DYNC1I1: variants seen among roughly 807,000 people sequenced by gnomAD.
The protein encoded by DYNC1I1 is cytoplasmic dynein 1 intermediate chain 1.
In DYNC1I1, 43 loss-of-function variants were observed where a neutral mutation model predicts 86.6. The ratio of observed to expected loss-of-function variants is 0.50; its 90% CI spans 0.39 to 0.64. DYNC1I1 has a LOEUF of 0.64. Ranked by LOEUF, DYNC1I1 falls within the 30% of genes least tolerant of loss-of-function variation. DYNC1I1 has a pLI of 0.00. For missense variants in DYNC1I1, 604 were observed against 788.8 expected (o/e 0.77, Z 2.81); for synonymous variants, 262 against 283.7 (o/e 0.92, Z 0.77).
chr7:95,809,066 G>T (rs757548774), intron 2 of DYNC1I1, among the ~76,000 whole-genome samples: 2 of 152,150 alleles, frequency 1.3e-5, no homozygotes, highest in Non-Finnish European at 2.9e-5. Context: ...TATGCAGAGT[G>T]TCTGACTCTA....
intron 6 of DYNC1I1, among the ~76,000 whole-genome samples, chr7:95,903,892 C>G (rs1413095674): frequency 6.6e-6 from 1 of 152,076 alleles, no homozygotes; most frequent in Non-Finnish European, 1.5e-5. Flanking sequence ...TAGTTGAATG[C>G]TAGAAAGCAG....
chr7:95,998,709 T>A (rs1793933858), intron 10 of DYNC1I1, among the ~76,000 whole-genome samples: 1 of 152,230 alleles, frequency 6.6e-6, no homozygotes, highest in African/African-American at 2.4e-5. Flanking sequence ...TGTACTTTTA[T>A]AATTTTGGAG....
At chr7:96,077,020 A>C (rs1359118671) in intron 15 of DYNC1I1, among the ~76,000 whole-genome samples, 1 of 152,168 alleles carries the variant, frequency 6.6e-6, no homozygotes, top group African/African-American at 2.4e-5. Context: ...TCAACTTTAT[A>C]AAATAAAATG....
intron 14 of DYNC1I1, among the ~76,000 whole-genome samples, chr7:96,043,254 A>C (rs776855590): frequency 6.6e-5 from 10 of 152,098 alleles, no homozygotes; most frequent in Admixed American, 1.3e-4. Context: ...CTAGGCAATG[A>C]TTATTGCTGA....
chr7:95,879,921 G>A (rs1002443478), intron 6 of DYNC1I1, among the ~76,000 whole-genome samples: 3 of 152,082 alleles, frequency 2.0e-5, no homozygotes, highest in African/African-American at 7.2e-5. Context: ...TGAAGAATTT[G>A]GTCTATTTAT....
intron 5 of DYNC1I1, among the ~76,000 whole-genome samples, chr7:95,829,548 G>T (rs186039932): frequency 1.4e-3 from 216 of 152,238 alleles, no homozygotes; most frequent in Non-Finnish European, 2.4e-3. Context: ...ACAGGCAGGG[G>T]AAAGAACTGG....
At chr7:96,067,116 GA>G (rs1039924579) in intron 14 of DYNC1I1, among the ~76,000 whole-genome samples, 1 of 151,866 alleles carries the variant, frequency 6.6e-6, no homozygotes, top group Non-Finnish European at 1.5e-5. Flanking sequence ...CAAAATATCA[GA>G]AAAAACATGT....
intron 5 of DYNC1I1, among the ~76,000 whole-genome samples, chr7:95,851,615 A>G (rs576377162): frequency 6.6e-6 from 1 of 152,188 alleles, no homozygotes; most frequent in Non-Finnish European, 1.5e-5. Flanking sequence ...TTGATTTGCT[A>G]GTATTTTGTT....
chr7:95,909,106 A>G (rs1791253103), intron 6 of DYNC1I1, among the ~76,000 whole-genome samples: 1 of 150,016 alleles, frequency 6.7e-6, no homozygotes, highest in Non-Finnish European at 1.5e-5. Context: ...GGATAAAGAC[A>G]GTTCTAATTG....
intron 5 of DYNC1I1, among the ~76,000 whole-genome samples, chr7:95,829,242 G>A (rs889276944): frequency 6.6e-6 from 1 of 152,084 alleles, no homozygotes; most frequent in Non-Finnish European, 1.5e-5. Context: ...CTATTTGCAT[G>A]TTAGGTTAAA....
At chr7:95,813,539 A>G (rs1047535437) in intron 4 of DYNC1I1, among the ~76,000 whole-genome samples, 6 of 152,150 alleles carry the variant, frequency 3.9e-5, no homozygotes, top group African/African-American at 1.4e-4. Flanking sequence ...AACATATATC[A>G]TCCTTCTTTG....
chr7:96,087,313 A>C (rs42067), intron 16 of DYNC1I1, among the ~76,000 whole-genome samples: 126,026 of 152,126 alleles, frequency 0.83, 52,319 homozygotes, highest in Middle Eastern at 0.9. Flanking sequence ...CTGCATTTGC[A>C]ATCAGCCAGT....
At chr7:95,903,030 T>C (rs1018546153) in intron 6 of DYNC1I1, among the ~76,000 whole-genome samples, 2 of 152,296 alleles carry the variant, frequency 1.3e-5, no homozygotes, top group African/African-American at 4.8e-5. Context: ...TTGAGCCTTG[T>C]GCAATTGTTA....
chr7:96,077,114 A>C (rs1286215468), intron 15 of DYNC1I1, among the ~76,000 whole-genome samples: 1 of 152,150 alleles, frequency 6.6e-6, no homozygotes, highest in African/African-American at 2.4e-5. Context: ...AGTGCTGCGA[A>C]CTATATGTCA....
In DYNC1I1 at chr7:95,810,443, C is replaced by T. The variant is rs780509560; in HGVS notation, c.160C>T (p.Arg54Cys). Residue 54 changes from arginine (R) to cysteine (C), a missense_variant, in exon 3 of 17, where the codon CGC becomes TGC. Arg to Cys is a radical substitution (Grantham distance 180). Coordinates refer to ENST00000447467, the MANE Select transcript of DYNC1I1 (RefSeq NM_001135556.2). ...CGTTCAGGACGACTCTGATCTGGAT[C>T]GCAAACGACGAGAGACAGAGGCTTT... The part of the protein sequence containing the change: ...EPVQDDSDLD[R>C]KRRETEALLQ... 1.2e-5 allele frequency: 20 copies of T among 1,612,964 alleles called. No individual in the cohort carries two copies. The highest frequency in any genetic ancestry group is 1.7e-5 in the Non-Finnish European group (20 of 1,179,420).
At chr7:96,108,629 C>A (rs952544958) in intron 16 of DYNC1I1, among the ~76,000 whole-genome samples, 8 of 151,826 alleles carry the variant, frequency 5.3e-5, no homozygotes, top group Non-Finnish European at 8.8e-5. Flanking sequence ...TTTAGGAGGC[C>A]GAGGCGGGTG....
Position 96,098,237 on chromosome 7 carries a change from G to C in DYNC1I1, c.*644G>C. ...ATTACAGTATGCCAGTTCCACTGAA[G>C]ACATGAAATCTTTAGAGGTTTCTTG... is the stretch of plus-strand genomic sequence containing the variant. On this transcript the variant is annotated 3_prime_UTR_variant, in exon 17 of 17. Transcript: ENST00000447467. The C allele has an allele frequency of 1.0e-6, 1 of 985,884 alleles. No homozygotes were observed. The highest frequency in any genetic ancestry group is 1.2e-6 in the Non-Finnish European group (1 of 829,948). 61.1% of individuals were successfully genotyped at this position (985,884 alleles called of 1,614,324 possible).
At chr7:95,995,708 A>G (rs556625838) in intron 9 of DYNC1I1, among the ~76,000 whole-genome samples, 1 of 152,286 alleles carries the variant, frequency 6.6e-6, no homozygotes, top group South Asian at 2.1e-4. Flanking sequence ...AATAATACGG[A>G]GAGGTAAAGC....
chr7:95,870,763 G>A (rs557603202), intron 6 of DYNC1I1, among the ~76,000 whole-genome samples: 27 of 152,328 alleles, frequency 1.8e-4, no homozygotes, highest in East Asian at 3.9e-4. Context: ...GAGAGAAGTC[G>A]AAGTTGATAA....
Sources: gnomAD v4.1 joint callset for allele counts (sites outside exome capture counted in the v4.1 genomes callset) on GRCh38, gnomAD v4.1.1 for gene constraint, MANE v1.5 for transcripts, NCBI Gene and HGNC (gene_info 2026-07-23, HGNC 2026-07-21) for gene names.